PLPP5: variants seen among roughly 807,000 people sequenced by gnomAD.
The protein encoded by PLPP5 is phospholipid phosphatase 5.
PLPP5 carries 29 observed loss-of-function variants against 23.6 expected under a neutral mutation model. The observed-to-expected ratio is 1.23, with a 90% CI of 0.92 to 1.68. The LOEUF (loss-of-function observed/expected upper bound fraction) is 1.68. Ranked by LOEUF, PLPP5 falls within the 40% of genes most tolerant of loss-of-function variation. The probability of loss-of-function intolerance (pLI) is 0.00; values close to 1 mark genes in which losing one functional copy is unlikely to be tolerated. For missense variants in PLPP5, 315 were observed against 332.1 expected (o/e 0.95, Z 0.40); for synonymous variants, 143 against 131.3 (o/e 1.09, Z -0.61).
At position 38,267,870 on chromosome 8, in the gene PLPP5, C is replaced by G. The variant is rs757561403; in HGVS notation, c.338+27G>C. ...TGGTGGGTAAGGGCTGAGGCAGATG[C>G]TGGGGTGGTTAGCTGTTGTCACTTA... On this transcript the variant is annotated intron_variant, in intron 4 of 6. Coordinates refer to ENST00000424479, the MANE Select transcript of PLPP5 (RefSeq NM_001102559.2). The G allele has an allele frequency of 2.5e-6, 4 of 1,610,624 alleles. No individual in the cohort carries two copies. The Admixed American group carries it at 6.7e-5, about 27-fold the overall frequency.
rs930279783 is a variant in PLPP5 at position 38,264,106 on chromosome 8, C to T, written c.*338G>A. On this transcript the variant is annotated 3_prime_UTR_variant, in exon 7 of 7. Coordinates refer to ENST00000424479, the MANE Select transcript of PLPP5 (RefSeq NM_001102559.2). ...AGAATTTCTTGTCTTGTGCATGGTC[C>T]GGTTAGGAGGGCTAGTTCACCTGTT... 16 of 997,580 alleles carry T rather than the reference C, an allele frequency of 1.6e-5. No individual in the cohort carries two copies. The highest frequency in any genetic ancestry group is 6.0e-5 in the Admixed American group (1 of 16,792). The allele number at this position is 997,580 out of a possible 1,614,324, so 61.8% of individuals were successfully genotyped here. A position where few individuals can be genotyped will look rare whatever the true frequency, so the allele number is the denominator to read the frequency against.
Position 38,264,457 on chromosome 8 carries a change from C to A in PLPP5, c.782G>T (p.Cys261Phe). 6.5e-7 allele frequency: 1 copy of A among 1,547,902 alleles called. No homozygotes were observed. The highest frequency in any genetic ancestry group is 8.7e-7 in the Non-Finnish European group (1 of 1,146,022). The change falls in exon 7 of 7, where the codon TGT (cysteine) becomes TTT (phenylalanine). Residue 261 changes from cysteine (C) to phenylalanine (F), a missense_variant. By Grantham distance (205) the Cys-to-Phe change is radical. Transcript: ENST00000424479. ...CAGATTCAATTTTTAAATATCAAAA[C>A]AATAAGAATCCCCAGGCTTCTGTGC... ...STAQKPGDSY[C>F]FDI
Position 38,264,353 on chromosome 8 carries a change from C to G in PLPP5, c.*91G>C. On this transcript the variant is annotated 3_prime_UTR_variant, in exon 7 of 7. Coordinates refer to ENST00000424479, the MANE Select transcript of PLPP5 (RefSeq NM_001102559.2). ...GACAGGGTTCACCATGTTGGCCAGG[C>G]TGGTCCTGACCTCAGGTGATCCACC... The G allele has an allele frequency of 1.9e-6, 2 of 1,043,084 alleles. No individual in the cohort carries two copies. Among genetic ancestry groups the G allele is most frequent in the South Asian group, 3.8e-5 (2 of 52,654 alleles). The allele number at this position is 1,043,084 out of a possible 1,614,324, so 64.6% of individuals were successfully genotyped here. A position where few individuals can be genotyped will look rare whatever the true frequency, so the allele number is the denominator to read the frequency against.
chr8:38,267,824 A>C, intron 4 of PLPP5, 73 bp downstream of exon 4: 1 of 1,389,872 alleles, frequency 7.2e-7, no homozygotes, highest in Non-Finnish European at 1.0e-6. Context: ...CGTGTGGTGG[A>C]CACCATTAAC....
intron 6 of PLPP5, chr8:38,264,976 GA>G: frequency 6.5e-7 from 1 of 1,539,648 alleles, no homozygotes; most frequent in East Asian, 2.2e-5. Flanking sequence ...AGTATTTTAA[GA>G]GTTGCTTCTC....
At chr8:38,267,511 G>A in intron 4 of PLPP5, 120 bp from the exon 5 acceptor site, 1 of 1,224,930 alleles carries the variant, frequency 8.2e-7, no homozygotes, top group East Asian at 2.5e-5. Flanking sequence ...GCAAAATAAG[G>A]TAACTGGCTT....
chr8:38,264,421 C>G lies in PLPP5; in HGVS notation c.*23G>C, dbSNP rs776311275. 1 of 1,526,432 alleles carries G rather than the reference C, an allele frequency of 6.6e-7. No individual in the cohort carries two copies. The highest frequency in any genetic ancestry group is 8.8e-7 in the Non-Finnish European group (1 of 1,137,722). The allele number at this position is 1,526,432 out of a possible 1,614,324, so 94.6% of individuals were successfully genotyped here. On this transcript the variant is annotated 3_prime_UTR_variant, in exon 7 of 7. Transcript: ENST00000424479. ...GTGTTGGGATTACAGGCATGAGCCA[C>G]CACGCCCGGCCAGATTCAATTTTTA...
intron 3 of PLPP5, 175 bp downstream of exon 3, chr8:38,268,196 C>T: frequency 2.7e-6 from 3 of 1,118,814 alleles, no homozygotes; most frequent in Non-Finnish European, 1.2e-6. Context: ...GGCTGCCTGC[C>T]GTGTAGCCTG....
chr8:38,267,890 C>CACTT lies in PLPP5; in HGVS notation c.338+3_338+6dup, dbSNP rs1429213582. 3 of 1,613,762 alleles carry CACTT rather than the reference C, an allele frequency of 1.9e-6. No homozygotes were observed. The highest frequency in any genetic ancestry group is 2.5e-6 in the Non-Finnish European group (3 of 1,179,812). On this transcript the variant is annotated splice_region_variant and intron_variant, in intron 4 of 6. Coordinates refer to ENST00000424479, the MANE Select transcript of PLPP5 (RefSeq NM_001102559.2). ...AGATGCTGGGGTGGTTAGCTGTTGTCACTTACCTCCCTACGATCAGTTTTA... is the reference window on the plus strand; with the variant it reads ...AGATGCTGGGGTGGTTAGCTGTTGTCACTTACTTACCTCCCTACGATCAGTTTTA...
chr8:38,266,928 C>A, intron 5 of PLPP5: 1 of 635,228 alleles, frequency 1.6e-6, no homozygotes, highest in Non-Finnish European at 2.2e-6. Context: ...TTATTGTGAG[C>A]TATAATTAGG....
chr8:38,266,508 C>T, intron 5 of PLPP5, 197 bp from the exon 6 acceptor site: 1 of 526,652 alleles, frequency 1.9e-6, no homozygotes, highest in South Asian at 2.3e-5. Context: ...TCAAGCGATT[C>T]TCCTGCCTTA....
chr8:38,263,254 A>T lies in PLPP5; in HGVS notation c.*1190T>A. On this transcript the variant is annotated 3_prime_UTR_variant, in exon 7 of 7. Coordinates refer to ENST00000424479, the MANE Select transcript of PLPP5 (RefSeq NM_001102559.2). ...AAAGAGAAAGGGAGCTGTAGGTCCTATGGCATCCATTCTGATGACATCCCA... is the reference window on the plus strand; with the variant it reads ...AAAGAGAAAGGGAGCTGTAGGTCCTTTGGCATCCATTCTGATGACATCCCA... 3.3e-6 allele frequency: 1 copy of T among 306,748 alleles called. No homozygotes were observed. The highest frequency in any genetic ancestry group is 4.8e-6 in the Non-Finnish European group (1 of 209,610). The allele number at this position is 306,748 out of a possible 1,614,324, so 19.0% of individuals were successfully genotyped here. A position where few individuals can be genotyped will look rare whatever the true frequency, so the allele number is the denominator to read the frequency against.
intron 1 of PLPP5, 32 bp downstream of exon 1, chr8:38,269,094 G>GCCGC (rs1431870484): frequency 2.0e-6 from 3 of 1,527,006 alleles, no homozygotes. Flanking sequence ...GGGAAGCGGG[G>GCCGC]CCGCCCGGGC....
At chr8:38,265,884 T>C (rs1483369941) in intron 6 of PLPP5, among the ~76,000 whole-genome samples, 2 of 152,270 alleles carry the variant, frequency 1.3e-5, no homozygotes, top group African/African-American at 4.8e-5. Context: ...TTTGAGGTTT[T>C]AAATTTCCTG....
rs1807205951 is a variant in PLPP5 at position 38,263,604 on chromosome 8, G to C, written c.*840C>G. On this transcript the variant is annotated 3_prime_UTR_variant, in exon 7 of 7. Coordinates refer to ENST00000424479, the MANE Select transcript of PLPP5 (RefSeq NM_001102559.2). ...CAGCAGTACCAGATGGCTGGACTCA[G>C]ATAAGATGCACACAAAAGTGATAAA... The C allele has an allele frequency of 1.0e-6, 1 of 985,270 alleles. No individual in the cohort carries two copies. Among genetic ancestry groups the C allele is most frequent in the Non-Finnish European group, 1.2e-6 (1 of 829,922 alleles). 61.0% of individuals were successfully genotyped at this position (985,270 alleles called of 1,614,324 possible). A position where few individuals can be genotyped will look rare whatever the true frequency, so the allele number is the denominator to read the frequency against.
chr8:38,269,043 C>T, intron 1 of PLPP5, 53 bp from the exon 2 acceptor site: 1 of 1,529,616 alleles, frequency 6.5e-7, no homozygotes, highest in Non-Finnish European at 8.8e-7. Context: ...CTCCCCGCTT[C>T]CCCACTGCCC....
In PLPP5 at chr8:38,268,906, C is replaced by G. The variant is rs1264965179; in HGVS notation, c.159G>C (p.Glu53Asp). ...WLYRNPYVEA[E>D]YFPTKPMFVI... ...CAAACATCGGCTTGGTGGGGAAATA[C>G]TCCGCCTCCACGTAGGGGTTCCGGT... is the stretch of plus-strand genomic sequence containing the variant. The change falls in exon 2 of 7, where the codon GAG (glutamate) becomes GAC (aspartate). Residue 53 changes from glutamate to aspartate, a missense_variant. By Grantham distance (45) the Glu-to-Asp change is conservative. Transcript: ENST00000424479. The G allele has an allele frequency of 1.9e-6, 3 of 1,557,142 alleles. No homozygotes were observed. The East Asian group carries it at 7.1e-5, about 37-fold the overall frequency.
In PLPP5 at chr8:38,267,370, G is replaced by T; in HGVS notation, c.360C>A (p.Tyr120Ter). 6.2e-7 allele frequency: 1 copy of T among 1,613,766 alleles called. No individual in the cohort carries two copies. The highest frequency in any genetic ancestry group is 1.1e-5 in the South Asian group (1 of 90,984). The change falls in exon 5 of 7, where the codon TAC becomes TAA. Residue 120 changes from tyrosine to a stop codon, truncating the protein, a stop_gained. Transcript: ENST00000424479. LOFTEE classifies it high-confidence loss of function. ...GGGCTAGCCCATCAGGGAAGCAGCGGTAGAAGAAATCTGGGCGTGGCCTGG... is the reference window on the plus strand; with the variant it reads ...GGGCTAGCCCATCAGGGAAGCAGCGTTAGAAGAAATCTGGGCGTGGCCTGG... ...IVGRPRPDFFYRCFPDGLAHS... is the reference protein window; with the variant it reads ...IVGRPRPDFF
At chr8:38,265,346 C>T (rs1349034103) in intron 6 of PLPP5, among the ~76,000 whole-genome samples, 1 of 151,600 alleles carries the variant, frequency 6.6e-6, no homozygotes, top group Non-Finnish European at 1.5e-5. Context: ...TTCCTGAGGA[C>T]CTGTGGGCAA....
Sources: allele counts gnomAD v4.1 joint callset (sites outside exome capture counted in the v4.1 genomes callset), GRCh38; gene constraint gnomAD v4.1.1; transcripts MANE v1.5; gene names NCBI Gene and HGNC (gene_info 2026-07-23, HGNC 2026-07-21).